Variants in KCNU1 observed in about 807,000 individuals in gnomAD.
The protein encoded by KCNU1 is potassium channel subfamily U member 1.
Under a neutral mutation model 126.8 loss-of-function variants are expected in KCNU1, and 93 were observed. That is an observed-to-expected ratio of 0.73 (90% CI 0.62 to 0.87). The LOEUF is 0.87. KCNU1 is among the 40% of genes least tolerant of loss of function. KCNU1 has a pLI of 0.00. For missense variants in KCNU1, 1,330 were observed against 1,367.1 expected, an observed-to-expected ratio of 0.97 and a Z score of 0.43; for synonymous variants, 523 against 494.2, an observed-to-expected ratio of 1.06 and a Z score of -0.77.
At chr8:36,795,026 G>C (rs1273216836) in intron 2 of KCNU1, among the ~76,000 whole-genome samples, 5 of 152,198 alleles carry the variant, frequency 3.3e-5, no homozygotes, top group Admixed American at 1.3e-4. Flanking sequence ...AAATTTCTTG[G>C]GAGGAATCCC....
Position 36,787,376 on chromosome 8 carries a change from A to G in KCNU1, c.266A>G (p.Asp89Gly). ...RSLHFQGQFR[D>G]HIEMLLSAQT... ...CTCCACTTCCAGGGACAATTTCGTG[A>G]TCATATAGAAATGTTGCTTTCAGCC... The change falls in exon 2 of 27, where the codon GAT becomes GGT. Residue 89 changes from aspartate to glycine, a missense_variant. Transcript: ENST00000399881. The G allele has an allele frequency of 1.2e-6, 2 of 1,612,656 alleles. No homozygotes were observed. Among genetic ancestry groups the G allele is most frequent in the Non-Finnish European group, 1.7e-6 (2 of 1,179,156 alleles).
At chr8:36,835,117 G>C (rs1232234737) in intron 12 of KCNU1, among the ~76,000 whole-genome samples, 2 of 152,098 alleles carry the variant, frequency 1.3e-5, no homozygotes, top group Non-Finnish European at 2.9e-5. Flanking sequence ...CATATCTATA[G>C]TAGCCATCTG....
chr8:36,929,855 A>C (rs543564274), intron 24 of KCNU1, among the ~76,000 whole-genome samples: 1 of 152,042 alleles, frequency 6.6e-6, no homozygotes, highest in Non-Finnish European at 1.5e-5. Flanking sequence ...TCACGATCTG[A>C]TTTGTGTTTC....
At chr8:36,907,640 G>C (rs1468802960) in intron 20 of KCNU1, among the ~76,000 whole-genome samples, 1 of 152,116 alleles carries the variant, frequency 6.6e-6, no homozygotes, top group Non-Finnish European at 1.5e-5. Flanking sequence ...ATGCTAATTT[G>C]GTAAACTTTA....
intron 19 of KCNU1, among the ~76,000 whole-genome samples, chr8:36,873,260 C>T (rs1806167230): frequency 6.6e-6 from 1 of 152,066 alleles, no homozygotes; most frequent in African/African-American, 2.4e-5. Flanking sequence ...TTTCCTTCCC[C>T]TGGCCCCAAC....
chr8:36,785,131 T>C (rs1385706789), intron 1 of KCNU1, among the ~76,000 whole-genome samples: 1 of 152,238 alleles, frequency 6.6e-6, no homozygotes, highest in Non-Finnish European at 1.5e-5. Flanking sequence ...CATCCAGGCA[T>C]AGATGCAAGG....
At chr8:36,840,792 A>C (rs1446308510) in intron 15 of KCNU1, 140 bp from the exon 16 acceptor site, 11 of 709,308 alleles carry the variant, frequency 1.6e-5, no homozygotes, top group Non-Finnish European at 2.5e-5. Flanking sequence ...AGGTGGATTC[A>C]CTTACAAGGG....
intron 19 of KCNU1, among the ~76,000 whole-genome samples, chr8:36,892,340 T>G (rs891168057): frequency 6.6e-6 from 1 of 152,254 alleles, no homozygotes; most frequent in Admixed American, 6.5e-5. Flanking sequence ...TCACTGATAT[T>G]TTGTATTCAG....
Position 36,812,455 on chromosome 8 carries a change from T to A in KCNU1, c.733-1752T>A, listed in dbSNP as rs555733789. ...TAGAGCTAAGACATAACCAAGGTAA[T>A]TATCACTACAGACTAGAATGTAGAT... On this transcript the variant is annotated intron_variant, in intron 7 of 26. Transcript: ENST00000399881. Among the ~76,000 whole-genome samples the A allele has an allele frequency of 2.0e-5, 3 of 151,478 alleles. No homozygotes were observed. In the East Asian group the frequency reaches 5.8e-4, roughly 29 times the overall value.
chr8:36,854,728 C>T (rs191080314), intron 18 of KCNU1, among the ~76,000 whole-genome samples: 14 of 152,256 alleles, frequency 9.2e-5, no homozygotes, highest in African/African-American at 1.2e-4. Flanking sequence ...CTGAGCTTCT[C>T]TCAAGGATGG....
At chr8:36,830,764 T>C (rs1804508341) in intron 10 of KCNU1, among the ~76,000 whole-genome samples, 1 of 151,588 alleles carries the variant, frequency 6.6e-6, no homozygotes, top group Admixed American at 6.6e-5. Context: ...TTAATTTATT[T>C]ATTATTATTA....
chr8:36,929,062 A>T (rs916947650), intron 24 of KCNU1: 1 of 695,918 alleles, frequency 1.4e-6, no homozygotes, highest in African/African-American at 1.8e-5. Context: ...TGCCATGTCA[A>T]CTTTAAAGAT....
chr8:36,884,474 G>A (rs893366097), intron 19 of KCNU1, among the ~76,000 whole-genome samples: 3 of 152,206 alleles, frequency 2.0e-5, no homozygotes, highest in African/African-American at 7.2e-5. Flanking sequence ...GGTGGCTCAT[G>A]CCTGTAATCC....
chr8:36,790,449 A>G (rs955377477), intron 2 of KCNU1, among the ~76,000 whole-genome samples: 4 of 152,042 alleles, frequency 2.6e-5, no homozygotes, highest in Admixed American at 6.5e-5. Context: ...ACAATGAAAT[A>G]GAGAAATAAA....
chr8:36,884,069 G>C (rs1303787391), intron 19 of KCNU1, among the ~76,000 whole-genome samples: 1 of 152,150 alleles, frequency 6.6e-6, no homozygotes, highest in Non-Finnish European at 1.5e-5. Context: ...GCTAATTACT[G>C]TTACCCACCT....
intron 3 of KCNU1, among the ~76,000 whole-genome samples, chr8:36,804,371 G>A (rs1803422948): frequency 6.6e-6 from 1 of 152,142 alleles, no homozygotes; most frequent in South Asian, 2.1e-4. Context: ...TGGGACACCA[G>A]CCTTCAGCTT....
chr8:36,868,419 A>G (rs1176202703), intron 19 of KCNU1, among the ~76,000 whole-genome samples: 1 of 151,898 alleles, frequency 6.6e-6, no homozygotes, highest in Admixed American at 6.6e-5. Flanking sequence ...TTTGTGATCC[A>G]TTTTTTTTAT....
At chr8:36,853,929 C>T (rs542611795) in intron 18 of KCNU1, among the ~76,000 whole-genome samples, 3 of 152,212 alleles carry the variant, frequency 2.0e-5, no homozygotes, top group African/African-American at 7.2e-5. Context: ...GATCTAAGTT[C>T]TTGTTAATCT....
At chr8:36,920,120 C>T (rs968326765) in intron 23 of KCNU1, among the ~76,000 whole-genome samples, 3 of 152,084 alleles carry the variant, frequency 2.0e-5, no homozygotes, top group Non-Finnish European at 4.4e-5. Flanking sequence ...CCCTTTGAAC[C>T]ATCTCTAACT....
Sources: allele counts gnomAD v4.1 joint callset (sites outside exome capture counted in the v4.1 genomes callset), GRCh38; gene constraint gnomAD v4.1.1; transcripts MANE v1.5; gene names NCBI Gene and HGNC (gene_info 2026-07-23, HGNC 2026-07-21).